TRIM77: variants seen among roughly 807,000 people sequenced by gnomAD.
The protein encoded by TRIM77 is tripartite motif-containing protein 77.
In TRIM77, 23 loss-of-function variants were observed where a neutral mutation model predicts 31.8. That is an observed-to-expected ratio of 0.72 (90% confidence interval 0.52 to 1.02). TRIM77 has a LOEUF of 1.02. TRIM77 is among the 50% of genes least tolerant of loss of function. The probability of loss-of-function intolerance (pLI) is 0.00; values close to 1 mark genes in which losing one functional copy is unlikely to be tolerated. For missense variants in TRIM77, 446 were observed against 539.2 expected (o/e 0.83, Z 1.71); for synonymous variants, 159 against 183.1 (o/e 0.87, Z 1.06).
At chr11:89,712,133 A>G (rs1431941443) in intron 2 of TRIM77, among the ~76,000 whole-genome samples, 7 of 152,228 alleles carry the variant, frequency 4.6e-5, no homozygotes, top group African/African-American at 1.7e-4. Context: ...CTAAAACTGA[A>G]TAAGTAAATT....
At position 89,717,572 on chromosome 11, in the gene TRIM77, T is replaced by A. The variant is rs1949170646; in HGVS notation, c.1053T>A (p.Cys351Ter). ...GGGAGGTGGATGTGAAAGACTCTTG[T>A]AATTGGGTTATAGGACTTTGCAGAG... ...HYWEVDVKDS[C>*]NWVIGLCREA... Residue 351 changes from cysteine to a stop codon, truncating the protein, a stop_gained, in exon 6 of 6, where the codon TGT becomes TGA. Transcript: ENST00000398290. LOFTEE classifies it low-confidence loss of function (END_TRUNC). 6.4e-7 allele frequency: 1 copy of A among 1,551,388 alleles called. No homozygotes were observed. Among genetic ancestry groups the A allele is most frequent in the Non-Finnish European group, 8.7e-7 (1 of 1,146,896 alleles).
rs376099884 is a variant in TRIM77, at chr11:89,714,585, G to A, written c.738+163G>A. Among the ~76,000 whole-genome samples the A allele has an allele frequency of 1.9e-4, 29 of 152,168 alleles. No homozygotes were observed. In the East Asian group the frequency reaches 3.3e-3, roughly 17 times the overall value. On this transcript the variant is annotated intron_variant, in intron 3 of 5. Coordinates refer to ENST00000398290, the MANE Select transcript of TRIM77 (RefSeq NM_001146162.1). ...GCAGGTTTCACTCCTCTGTAGACCC[G>A]GTCTCACTCTTTCTTGTCCCATAGA...
chr11:89,717,645 T>C lies in TRIM77; in HGVS notation c.1126T>C (p.Phe376Leu), dbSNP rs190972119. Reference sequence around the variant, plus strand: ...CATGCGACTTGACTCTGAGGGTATCTTTCTACTCCTGTGTCTCAAAGTGGA... The same window carrying C: ...CATGCGACTTGACTCTGAGGGTATCCTTCTACTCCTGTGTCTCAAAGTGGA... ...NDMRLDSEGI[F>L]LLLCLKVDDH... Residue 376 changes from phenylalanine (F) to leucine (L), a missense_variant, in exon 6 of 6, where the codon TTT becomes CTT. By Grantham distance (22) the Phe-to-Leu change is conservative. Around this residue, in one of 3 missense-constraint regions of TRIM77, gnomAD observed 366 missense variants for 447.9 expected, o/e 0.82. Coordinates refer to ENST00000398290, the MANE Select transcript of TRIM77 (RefSeq NM_001146162.1). 629 of 1,551,304 alleles carry C rather than the reference T, an allele frequency of 4.1e-4. No individual in the cohort carries two copies. Among genetic ancestry groups the C allele is most frequent in the Non-Finnish European group, 5.1e-4 (581 of 1,146,740 alleles).
rs1329144808 is a variant in TRIM77 at position 89,717,500 on chromosome 11, T to A, written c.981T>A (p.Tyr327Ter). 2 of 1,551,456 alleles carry A rather than the reference T, an allele frequency of 1.3e-6. No individual in the cohort carries two copies. The highest frequency in any genetic ancestry group is 3.9e-5 in the Admixed American group (2 of 50,970). The change falls in exon 6 of 6, where the codon TAT becomes TAA. Residue 327 changes from tyrosine (Y) to a stop codon, truncating the protein, a stop_gained. Transcript: ENST00000398290. LOFTEE classifies it low-confidence loss of function (END_TRUNC). The part of the protein sequence containing the change: ...DMSCNPTSTQ[Y>*]TSSWGAQILS... ...CCTGTAATCCAACAAGTACACAGTA[T>A]ACTTCTTCATGGGGAGCTCAGATCC... is the stretch of plus-strand genomic sequence containing the variant.
At position 89,710,453 on chromosome 11, in the gene TRIM77, G is replaced by T. The variant is rs545633553; in HGVS notation, c.155G>T (p.Cys52Phe). 4 of 1,551,732 alleles carry T rather than the reference G, an allele frequency of 2.6e-6. No homozygotes were observed. Among genetic ancestry groups the T allele is most frequent in the South Asian group, 2.4e-5 (2 of 84,058 alleles). Residue 52 changes from cysteine (C) to phenylalanine (F), a missense_variant, in exon 1 of 6, where the codon TGC becomes TTC. Transcript: ENST00000398290. ...GAAGATACACTAACTCCTAATTGCT[G>T]CCCTGTGTGCAGGGAAATATCACAG... The part of the protein sequence containing the change: ...LWEDTLTPNC[C>F]PVCREISQQM...
chr11:89,714,452 A>C (rs1782666832), intron 3 of TRIM77, 30 bp downstream of exon 3: 6 of 1,406,276 alleles, frequency 4.3e-6, no homozygotes, highest in African/African-American at 1.4e-5. Context: ...AGGGTGCTGA[A>C]CACCACCCTG....
At chr11:89,717,061 C>G (rs1949166330) in intron 5 of TRIM77, among the ~76,000 whole-genome samples, 1 of 152,046 alleles carries the variant, frequency 6.6e-6, no homozygotes, top group Non-Finnish European at 1.5e-5. Flanking sequence ...GGACAAGAAG[C>G]TGTTGCTAAA....
In TRIM77 at chr11:89,714,184, C is replaced by T. The variant is rs1466300116; in HGVS notation, c.508-8C>T. 31 of 1,522,054 alleles carry T rather than the reference C, an allele frequency of 2.0e-5. No homozygotes were observed. In the Admixed American group the frequency reaches 6.3e-4, roughly 31 times the overall value. 94.3% of individuals were successfully genotyped at this position (1,522,054 alleles called of 1,614,324 possible). A position where few individuals can be genotyped will look rare whatever the true frequency, so the allele number is the denominator to read the frequency against. ...ACACATGATTTAATTAATCAACTAT[C>T]ACTACAGGTTTTTATAAATTTGCGG... On this transcript the variant is annotated splice_region_variant and splice_polypyrimidine_tract_variant and intron_variant, in intron 2 of 5. Transcript: ENST00000398290.
intron 3 of TRIM77, 31 bp from the exon 4 acceptor site, chr11:89,715,127 G>T: frequency 6.5e-7 from 1 of 1,549,638 alleles, no homozygotes; most frequent in Non-Finnish European, 8.7e-7. Context: ...ATGTTGTGCT[G>T]CAAACTAAGC....
intron 5 of TRIM77, 89 bp from the exon 6 acceptor site, chr11:89,717,290 G>C: frequency 8.1e-7 from 1 of 1,233,752 alleles, no homozygotes; most frequent in Non-Finnish European, 1.1e-6. Flanking sequence ...TCAGGGATTG[G>C]TTGTTAAGCA....
chr11:89,714,462 GCTTGGGA>G, intron 3 of TRIM77, 40 bp downstream of exon 3: 1 of 1,347,272 alleles, frequency 7.4e-7, no homozygotes, highest in South Asian at 1.3e-5. Context: ...ACACCACCCT[GCTTGGGA>G]ATCGTATCTG....
rs1449991386 is a variant in TRIM77 at position 89,710,529 on chromosome 11, A to G, written c.231A>G (p.Thr77=). 6.4e-7 allele frequency: 1 copy of G among 1,551,702 alleles called. No individual in the cohort carries two copies. The highest frequency in any genetic ancestry group is 2.0e-5 in the Admixed American group (1 of 51,004). The change falls in exon 1 of 6, where the codon ACA becomes ACG. Residue 77 remains threonine, a synonymous_variant. Transcript: ENST00000398290. ...IIFAEKQVIP[T]RESVPCQLSS... ...TTGCTGAGAAACAAGTTATTCCTACAAGAGAATCAGTCCCCTGCCAGTTAT... is the reference window on the plus strand; with the variant it reads ...TTGCTGAGAAACAAGTTATTCCTACGAGAGAATCAGTCCCCTGCCAGTTAT...
chr11:89,713,693 G>A (rs1273057876), intron 2 of TRIM77, among the ~76,000 whole-genome samples: 1 of 151,948 alleles, frequency 6.6e-6, no homozygotes, highest in African/African-American at 2.4e-5. Flanking sequence ...TTGTAAGAAA[G>A]TAATCTAGAG....
intron 5 of TRIM77, among the ~76,000 whole-genome samples, chr11:89,716,232 A>G (rs965242331): frequency 3.3e-5 from 5 of 152,232 alleles, no homozygotes; most frequent in African/African-American, 1.2e-4. Flanking sequence ...GTGATTAAAA[A>G]AAAACACTCA....
At position 89,717,682 on chromosome 11, in the gene TRIM77, G is replaced by T. The variant is rs1949172042; in HGVS notation, c.1163G>T (p.Ser388Ile). 2 of 1,551,182 alleles carry T rather than the reference G, an allele frequency of 1.3e-6. No individual in the cohort carries two copies. The highest frequency in any genetic ancestry group is 1.2e-5 in the South Asian group (1 of 84,042). ...LLCLKVDDHF[S>I]LFSTSPLLPH... ...TGTCTCAAAGTGGATGACCATTTCA[G>T]TCTCTTCTCTACCTCCCCACTGTTA... is the stretch of plus-strand genomic sequence containing the variant. Residue 388 changes from serine (S) to isoleucine (I), a missense_variant, in exon 6 of 6, where the codon AGT becomes ATT. This residue lies in a region of TRIM77 where 366 missense variants were observed against 447.9 expected (regional missense o/e 0.82). Transcript: ENST00000398290.
chr11:89,717,158 C>A (rs1031927918), intron 5 of TRIM77, among the ~76,000 whole-genome samples: 19 of 152,040 alleles, frequency 1.2e-4, no homozygotes, highest in Non-Finnish European at 2.5e-4. Context: ...CTCATGAGAG[C>A]AAATTGTTAA....
Position 89,717,738 on chromosome 11 carries a change from C to G in TRIM77, c.1219C>G (p.Leu407Val). 5.8e-6 allele frequency: 9 copies of G among 1,551,312 alleles called. No homozygotes were observed. Among genetic ancestry groups the G allele is most frequent in the Non-Finnish European group, 7.8e-6 (9 of 1,146,728 alleles). The change falls in exon 6 of 6, where the codon CTA (leucine) becomes GTA (valine). Residue 407 changes from leucine (L) to valine (V), a missense_variant. Physicochemically the swap from Leu to Val is conservative, Grantham distance 32. This residue lies in a region of TRIM77 where 366 missense variants were observed against 447.9 expected (regional missense o/e 0.82). Transcript: ENST00000398290. ...CTATATTCCAAGGCCCCAAGGCTGGCTAGGGGTGTTCCTGGATTATGAATG... is the reference window on the plus strand; with the variant it reads ...CTATATTCCAAGGCCCCAAGGCTGGGTAGGGGTGTTCCTGGATTATGAATG... ...PHYIPRPQGWLGVFLDYECGI... is the reference protein window; with the variant it reads ...PHYIPRPQGWVGVFLDYECGI...
At chr11:89,715,450 C>T (rs1949154193) in intron 4 of TRIM77, among the ~76,000 whole-genome samples, 1 of 151,982 alleles carries the variant, frequency 6.6e-6, no homozygotes, top group Non-Finnish European at 1.5e-5. Context: ...AAGGTTATTC[C>T]AGGTTGTCAA....
chr11:89,715,665 G>A (rs1414948566), intron 4 of TRIM77, among the ~76,000 whole-genome samples: 2 of 152,186 alleles, frequency 1.3e-5, no homozygotes, highest in Non-Finnish European at 2.9e-5. Context: ...GTGAAGGTGA[G>A]AACTGATATA....
Sources: gnomAD v4.1 joint callset for allele counts (sites outside exome capture counted in the v4.1 genomes callset) on GRCh38, gnomAD v4.1.1 for gene constraint, gnomAD v4.1.1 regional missense constraint, MANE v1.5 for transcripts, NCBI Gene and HGNC (gene_info 2026-07-23, HGNC 2026-07-21) for gene names.